Variants in COL4A5 observed in about 807,000 individuals in gnomAD.
The protein encoded by COL4A5 is collagen alpha-5(IV) chain.
COL4A5 carries 26 observed loss-of-function variants against 130.2 expected under a neutral mutation model. The ratio of observed to expected loss-of-function variants is 0.20; its 90% CI spans 0.15 to 0.28. The LOEUF (loss-of-function observed/expected upper bound fraction) is 0.28. Among genes scored for constraint, COL4A5 ranks in the 10% least tolerant of loss-of-function variants. COL4A5 has a pLI of 1.00. For synonymous variants in COL4A5, 496 were observed against 439.6 expected (o/e 1.13, Z -1.60); for missense variants, 1,131 against 1,344.3 (o/e 0.84, Z 2.48).
In COL4A5 at chrX:108,571,406, C is replaced by T; in HGVS notation, c.385-7C>T. 8.4e-7 allele frequency: 1 copy of T among 1,188,619 alleles called. No individual in the cohort carries two copies. The highest frequency in any genetic ancestry group is 3.0e-5 in the East Asian group (1 of 33,487). On this transcript the variant is annotated splice_region_variant and splice_polypyrimidine_tract_variant and intron_variant, in intron 6 of 52. Coordinates refer to ENST00000328300, the MANE Select transcript of COL4A5 (RefSeq NM_033380.3). ...CCTCCATGCTCTTTATTTTTAACTC[C>T]TTCTAGGGAGAACGTGGATTTCCAG...
intron 1 of COL4A5, among the ~76,000 whole-genome samples, chrX:108,470,591 G>A (rs1439370595): frequency 9.0e-6 from 1 of 111,408 alleles, no homozygotes; most frequent in Non-Finnish European, 1.9e-5. Context: ...CCATTTTGTA[G>A]GTTGTTTGTT....
At chrX:108,529,623 A>T (rs912141988) in intron 1 of COL4A5, among the ~76,000 whole-genome samples, 12 of 111,723 alleles carry the variant, frequency 1.1e-4, no homozygotes, top group Non-Finnish European at 1.5e-4. Context: ...ATGAATTTTT[A>T]AAAAAACATG....
intron 29 of COL4A5, among the ~76,000 whole-genome samples, chrX:108,611,627 G>T (rs2066837003): frequency 9.0e-6 from 1 of 110,943 alleles, no homozygotes. Context: ...GGCAATCCAG[G>T]AATCTATTTT....
intron 1 of COL4A5, among the ~76,000 whole-genome samples, chrX:108,501,553 G>T (rs1465019039): frequency 9.0e-6 from 1 of 111,682 alleles, no homozygotes; most frequent in Non-Finnish European, 1.9e-5. Context: ...TTATCTCCTT[G>T]TGATTTCATT....
chrX:108,642,520 G>A (rs999897007), intron 36 of COL4A5, among the ~76,000 whole-genome samples: 8 of 110,930 alleles, frequency 7.2e-5, no homozygotes, highest in Middle Eastern at 4.7e-3. Flanking sequence ...AGAGGTGCTC[G>A]TACCCATGGC....
intron 41 of COL4A5, chrX:108,669,934 A>G: frequency 3.7e-6 from 1 of 269,230 alleles, no homozygotes; most frequent in Admixed American, 6.1e-5. Flanking sequence ...CTTAGAATTG[A>G]TTGTTCTTAG....
chrX:108,442,162 G>A lies in COL4A5; in HGVS notation c.81+1956G>A, dbSNP rs181066218. On this transcript the variant is annotated intron_variant, in intron 1 of 52. Transcript: ENST00000328300. ...ATATCGGCTCTGCATACTTGTGCTG[G>A]AGATATCGGTGACCATTTCTAGAGT... Among the ~76,000 whole-genome samples the A allele has an allele frequency of 6.9e-3, 776 of 111,973 alleles. 3 individuals carry two copies. Among genetic ancestry groups the A allele is most frequent in the Non-Finnish European group, 0.011 (604 of 53,147 alleles).
chrX:108,492,947 C>G, intron 1 of COL4A5, among the ~76,000 whole-genome samples: 1 of 110,870 alleles, frequency 9.0e-6, no homozygotes, highest in East Asian at 2.8e-4. Flanking sequence ...CTATGTTTCT[C>G]TTTCTACCAA....
rs1224637327 is a variant in COL4A5 at position 108,568,834 on chromosome X, C to T, written c.384+13C>T. On this transcript the variant is annotated intron_variant, in intron 6 of 52. Coordinates refer to ENST00000328300, the MANE Select transcript of COL4A5 (RefSeq NM_033380.3). ...CAATGGAACCAAGGTGAGATCCATC[C>T]ATTTAATCTTGGGTAGTATACTTGA... The T allele has an allele frequency of 8.4e-7, 1 of 1,189,753 alleles. No homozygotes were observed. Among genetic ancestry groups the T allele is most frequent in the African/African-American group, 1.8e-5 (1 of 56,693 alleles).
At chrX:108,691,588 T>A (rs1356881048) in intron 49 of COL4A5, among the ~76,000 whole-genome samples, 1 of 111,234 alleles carries the variant, frequency 9.0e-6, no homozygotes, top group Non-Finnish European at 1.9e-5. Flanking sequence ...AGTCTTATAG[T>A]CACAAAGTTT....
Position 108,575,947 on chromosome X carries a change from G to C in COL4A5, c.584G>C (p.Gly195Ala). The change falls in exon 10 of 53, where the codon GGT becomes GCT. Residue 195 changes from glycine (G) to alanine (A), a missense_variant. Gly to Ala is a moderately conservative substitution (Grantham distance 60). Transcript: ENST00000328300. ...PGPTGIPGPI[G>A]PPGPPGLMGP... ...CCCACTGGTATACCAGGGCCAATTG[G>C]TCCCCCAGGACCACCAGGTTTGATG... 8.4e-7 allele frequency: 1 copy of C among 1,192,081 alleles called. No individual in the cohort carries two copies. Among genetic ancestry groups the C allele is most frequent in the Non-Finnish European group, 1.1e-6 (1 of 879,909 alleles).
intron 1 of COL4A5, among the ~76,000 whole-genome samples, chrX:108,460,221 A>G (rs2064628897): frequency 2.7e-5 from 3 of 111,885 alleles, no homozygotes; most frequent in Non-Finnish European, 3.8e-5. Flanking sequence ...CCCTAGCTCT[A>G]AGTTTATGTT....
intron 37 of COL4A5, among the ~76,000 whole-genome samples, chrX:108,664,475 A>G (rs1474605855): frequency 1.8e-5 from 2 of 112,157 alleles, no homozygotes; most frequent in Non-Finnish European, 3.8e-5. Flanking sequence ...TTTTAGAGGA[A>G]AACATAGATA....
intron 23 of COL4A5, 50 bp from the exon 24 acceptor site, chrX:108,597,327 C>T (rs1187992542): frequency 1.8e-6 from 2 of 1,131,304 alleles, no homozygotes; most frequent in East Asian, 3.0e-5. Context: ...TTTTCTTTTT[C>T]TCTTTCTTCT....
intron 1 of COL4A5, among the ~76,000 whole-genome samples, chrX:108,536,237 G>A (rs1046127644): frequency 2.8e-5 from 3 of 108,180 alleles, no homozygotes; most frequent in African/African-American, 6.9e-5. Flanking sequence ...TCTATTTGAC[G>A]TCAACTTTTA....
At chrX:108,602,768 G>T (rs2066656903) in intron 27 of COL4A5, among the ~76,000 whole-genome samples, 196 bp from the exon 28 acceptor site, 1 of 111,783 alleles carries the variant, frequency 8.9e-6, no homozygotes, top group Admixed American at 9.5e-5. Flanking sequence ...ACATACATTA[G>T]CTCTATGTGA....
intron 30 of COL4A5, among the ~76,000 whole-genome samples, chrX:108,618,029 A>C (rs1437205172): frequency 1.8e-5 from 2 of 111,919 alleles, no homozygotes; most frequent in African/African-American, 6.5e-5. Flanking sequence ...AGTTCTCACG[A>C]ATAATACATG....
At chrX:108,507,247 C>CA (rs1195605237) in intron 1 of COL4A5, among the ~76,000 whole-genome samples, 568 of 50,692 alleles carry the variant, frequency 0.011, 3 homozygotes, top group Admixed American at 0.018. Context: ...ACAACAACAA[C>CA]AAAAAAAAAA....
intron 36 of COL4A5, among the ~76,000 whole-genome samples, chrX:108,645,921 A>T (rs1263951507): frequency 3.6e-4 from 40 of 110,967 alleles, no homozygotes; most frequent in African/African-American, 8.9e-4. Flanking sequence ...CATCATTTTT[A>T]ATGGCTGCAT....
Sources: gnomAD v4.1 joint callset for allele counts (sites outside exome capture counted in the v4.1 genomes callset) on GRCh38, gnomAD v4.1.1 for gene constraint, MANE v1.5 for transcripts, NCBI Gene and HGNC (gene_info 2026-07-23, HGNC 2026-07-21) for gene names.